Variants in SERAC1 observed in about 807,000 individuals in gnomAD.
SERAC1 encodes the protein serine active site containing 1.
A neutral mutation model predicts 85.7 loss-of-function variants in SERAC1; 36 were observed. The observed-to-expected ratio is 0.42, with a 90% CI of 0.32 to 0.55. The LOEUF (loss-of-function observed/expected upper bound fraction) is 0.55. Ranked by LOEUF, SERAC1 falls within the 20% of genes least tolerant of loss-of-function variation. SERAC1 has a pLI of 0.11. For synonymous variants in SERAC1, 242 were observed against 265.3 expected, an observed-to-expected ratio of 0.91 and a Z score of 0.85; for missense variants, 629 against 796.2, an observed-to-expected ratio of 0.79 and a Z score of 2.53.
chr6:158,155,268 A>G (rs181413208), intron 3 of SERAC1, 47 bp downstream of exon 3: 567 of 1,328,536 alleles, frequency 4.3e-4, no homozygotes, highest in Non-Finnish European at 4.5e-4. Flanking sequence ...TGAGATTTCC[A>G]ATAGAGTATA....
intron 8 of SERAC1, among the ~76,000 whole-genome samples, chr6:158,133,408 T>G (rs558635677): frequency 8.4e-6 from 1 of 118,438 alleles, no homozygotes; most frequent in East Asian, 2.6e-4. Flanking sequence ...TTTTTTGAGA[T>G]GGAGTCTCTC....
chr6:158,114,493 A>G, intron 15 of SERAC1: 1 of 1,156,022 alleles, frequency 8.7e-7, no homozygotes, highest in Non-Finnish European at 1.1e-6. Flanking sequence ...AAAGCCATTT[A>G]TTGGTAATTT....
At chr6:158,136,760 A>C (rs552891717) in intron 8 of SERAC1, among the ~76,000 whole-genome samples, 28 of 152,302 alleles carry the variant, frequency 1.8e-4, no homozygotes, top group East Asian at 1.5e-3. Flanking sequence ...GATCACTACA[A>C]ACCAGATGGA....
Position 158,119,609 on chromosome 6 carries a change from T to C in SERAC1, c.1167-439A>G, listed in dbSNP as rs1784373839. ...AATGTGTTAAGGAAACTAATACTTA[T>C]AAAATGAGATTTCAAAGTAACATTC... On this transcript the variant is annotated intron_variant, in intron 11 of 16. Transcript: ENST00000647468. This position sits in a 1 kb window ranked among gnomAD's most constrained non-coding sequence, Gnocchi z 4.5. Among the ~76,000 whole-genome samples, 1 of 152,230 alleles carries C rather than the reference T, an allele frequency of 6.6e-6. No individual in the cohort carries two copies. Among genetic ancestry groups the C allele is most frequent in the Non-Finnish European group, 1.5e-5 (1 of 68,032 alleles).
rs1354945234 is a variant in SERAC1, at chr6:158,120,242, A to C, written c.1166+183T>G. Among the ~76,000 whole-genome samples the C allele has an allele frequency of 6.6e-6, 1 of 152,256 alleles. No individual in the cohort carries two copies. Among genetic ancestry groups the C allele is most frequent in the Admixed American group, 6.5e-5 (1 of 15,282 alleles). Reference sequence around the variant, plus strand: ...AACCATGACAATTTAGCTAGTTCACATACTTTTCATGACAACCTCCAATTC... The same window carrying C: ...AACCATGACAATTTAGCTAGTTCACCTACTTTTCATGACAACCTCCAATTC... On this transcript the variant is annotated intron_variant, in intron 11 of 16. Transcript: ENST00000647468. This position sits in a 1 kb window ranked among gnomAD's most constrained non-coding sequence, Gnocchi z 4.4.
At chr6:158,125,670 C>G (rs1031182377) in intron 10 of SERAC1, among the ~76,000 whole-genome samples, 2 of 152,038 alleles carry the variant, frequency 1.3e-5, no homozygotes, top group Admixed American at 1.3e-4. Flanking sequence ...TTGAGGACAG[C>G]CTGGGCAACA....
At chr6:158,130,550 AAAAAG>A in intron 8 of SERAC1, 64 bp from the exon 9 acceptor site, 1 of 982,290 alleles carries the variant, frequency 1.0e-6, no homozygotes, top group Non-Finnish European at 1.5e-6. Flanking sequence ...TTTGACAAAA[AAAAAG>A]AAATCTCTGT....
intron 15 of SERAC1, 73 bp downstream of exon 15, chr6:158,114,716 A>ATATAAAAGGAGATAATACATTCAAG: frequency 6.3e-7 from 1 of 1,594,668 alleles, no homozygotes; most frequent in Non-Finnish European, 8.6e-7. Flanking sequence ...CATTCAAGGA[A>ATATAAAAGGAGATAATACATTCAAG]GAAACTTTTT....
chr6:158,151,331 A>G (rs1785198815), intron 3 of SERAC1, among the ~76,000 whole-genome samples: 1 of 152,186 alleles, frequency 6.6e-6, no homozygotes, highest in African/African-American at 2.4e-5. Context: ...GGATCCCTTG[A>G]GCCCAGGAGT....
Position 158,126,207 on chromosome 6 carries a change from T to G in SERAC1, c.1015+1901A>C, listed in dbSNP as rs202136605. Among the ~76,000 whole-genome samples the G allele has an allele frequency of 2.6e-5, 4 of 152,322 alleles. No homozygotes were observed. In the East Asian group the frequency reaches 7.7e-4, roughly 29 times the overall value. ...AAGCAAAGACACCCCAGGAGCAATA[T>G]GCACTCCTATCATTTAGACCTTGGT... is the stretch of plus-strand genomic sequence containing the variant. On this transcript the variant is annotated intron_variant, in intron 10 of 16. Transcript: ENST00000647468.
Position 158,117,587 on chromosome 6 carries a change from A to G in SERAC1, c.1403+140T>C. 1 of 1,553,798 alleles carries G rather than the reference A, an allele frequency of 6.4e-7. No individual in the cohort carries two copies. Among genetic ancestry groups the G allele is most frequent in the Non-Finnish European group, 8.7e-7 (1 of 1,147,932 alleles). On this transcript the variant is annotated intron_variant, in intron 13 of 16. Coordinates refer to ENST00000647468, the MANE Select transcript of SERAC1 (RefSeq NM_032861.4). The surrounding 1 kb of genome is among the most constrained non-coding windows in gnomAD (Gnocchi z 4.3). ...ACAGCAAACTCCTTCTAGAAGGAAG[A>G]CAAAAAAGATTAGGTTTGTTCTTCA... is the stretch of plus-strand genomic sequence containing the variant.
intron 14 of SERAC1, among the ~76,000 whole-genome samples, chr6:158,115,549 C>T (rs1479488309): frequency 6.6e-6 from 1 of 152,210 alleles, no homozygotes; most frequent in African/African-American, 2.4e-5. Context: ...CAGCAAAAAT[C>T]CCCACCTCAG....
chr6:158,143,319 C>A (rs1784964439), intron 7 of SERAC1, 135 bp from the exon 8 acceptor site: 1 of 274,650 alleles, frequency 3.6e-6, no homozygotes, highest in African/African-American at 4.8e-5. Context: ...CTCTCTCTCT[C>A]TCTCTCTCTC....
At chr6:158,161,529 T>C (rs1253573881) in intron 1 of SERAC1, 1 of 152,150 alleles carries the variant, frequency 6.6e-6, no homozygotes, top group Non-Finnish European at 1.5e-5. Flanking sequence ...TGTTGTTTCT[T>C]TGTAGGCAAA....
rs1281038023 is a variant in SERAC1 at position 158,119,489 on chromosome 6, G to A, written c.1167-319C>T. Among the ~76,000 whole-genome samples the A allele has an allele frequency of 6.6e-6, 1 of 152,154 alleles. No individual in the cohort carries two copies. Among genetic ancestry groups the A allele is most frequent in the African/African-American group, 2.4e-5 (1 of 41,442 alleles). On this transcript the variant is annotated intron_variant, in intron 11 of 16. Transcript: ENST00000647468. The surrounding 1 kb of genome is among the most constrained non-coding windows in gnomAD (Gnocchi z 4.5). ...TTACCCTCTAAAGACTTCCATTTGA[G>A]AATATTCTACAAATCAATAAAAGTA...
At chr6:158,163,745 T>C (rs890855949) in intron 1 of SERAC1, among the ~76,000 whole-genome samples, 9 of 152,190 alleles carry the variant, frequency 5.9e-5, no homozygotes, top group African/African-American at 2.2e-4. Context: ...GTTTTTTGTT[T>C]TCTTTTTGAC....
At chr6:158,143,795 A>G (rs757054148) in intron 7 of SERAC1, among the ~76,000 whole-genome samples, 1 of 152,148 alleles carries the variant, frequency 6.6e-6, no homozygotes, top group Non-Finnish European at 1.5e-5. Context: ...AATCTATGGC[A>G]GTGTTTCTCA....
chr6:158,166,551 T>C (rs1451053407), intron 1 of SERAC1, among the ~76,000 whole-genome samples: 1 of 152,204 alleles, frequency 6.6e-6, no homozygotes, highest in African/African-American at 2.4e-5. Context: ...GTGATTTTAA[T>C]TGGCATTACA....
chr6:158,114,722 T>C, intron 15 of SERAC1, 67 bp downstream of exon 15: 1 of 610,600 alleles, frequency 1.6e-6, no homozygotes, highest in Non-Finnish European at 2.3e-6. Context: ...AGGAAGAAAC[T>C]TTTTCTTCTT....
Sources: gnomAD v4.1 joint callset for allele counts (sites outside exome capture counted in the v4.1 genomes callset) on GRCh38, gnomAD v4.1.1 for gene constraint, Gnocchi (gnomAD v3.1) non-coding constraint, MANE v1.5 for transcripts, NCBI Gene and HGNC (gene_info 2026-07-23, HGNC 2026-07-21) for gene names.